Variants in SLC25A26 observed in about 807,000 individuals in gnomAD.
SLC25A26 encodes mitochondrial S-adenosylmethionine carrier protein.
SLC25A26 carries 36 observed loss-of-function variants against 37.8 expected under a neutral mutation model. The observed-to-expected ratio is 0.95, with a 90% confidence interval of 0.73 to 1.26. SLC25A26 has a LOEUF of 1.26. Ranked by LOEUF, SLC25A26 falls within the 50% of genes most tolerant of loss-of-function variation. SLC25A26 has a pLI of 0.00. For synonymous variants in SLC25A26, 129 were observed against 122.5 expected (o/e 1.05, Z -0.35); for missense variants, 390 against 331.1 (o/e 1.18, Z -1.38).
chr3:66,222,649 G>T (rs1171035318), intron 1 of SLC25A26, among the ~76,000 whole-genome samples: 1 of 152,168 alleles, frequency 6.6e-6, no homozygotes, highest in African/African-American at 2.4e-5. Flanking sequence ...TGAGGGAAGT[G>T]GGATACCAAG....
At chr3:66,212,557 T>C (rs892244551) in intron 1 of SLC25A26, among the ~76,000 whole-genome samples, 2 of 152,158 alleles carry the variant, frequency 1.3e-5, no homozygotes, top group Admixed American at 1.3e-4. Context: ...AATCTTGAAA[T>C]GTATCCCCCA....
intron 3 of SLC25A26, among the ~76,000 whole-genome samples, chr3:66,259,423 C>T (rs1488553103): frequency 6.6e-6 from 1 of 152,118 alleles, no homozygotes; most frequent in African/African-American, 2.4e-5. Flanking sequence ...TTACCTGTCC[C>T]CCAGACTTCA....
chr3:66,319,403 C>G lies in SLC25A26; in HGVS notation c.454-26961C>G, dbSNP rs1373041406. On this transcript the variant is annotated intron_variant, in intron 5 of 9. Transcript: ENST00000354883. The stretch of plus-strand genomic sequence containing the variant: ...CTAGTATATAATGCATCCTGCTGGT[C>G]TGTTTTATCCCATTAAAAAACTTCG... Among the ~76,000 whole-genome samples, 2 of 152,136 alleles carry G rather than the reference C, an allele frequency of 1.3e-5. 1 individual carries two copies.
chr3:66,290,432 T>C (rs531482765), intron 5 of SLC25A26, among the ~76,000 whole-genome samples: 32 of 152,346 alleles, frequency 2.1e-4, no homozygotes, highest in Non-Finnish European at 4.3e-4. Flanking sequence ...GGTCATTCAA[T>C]ATGATACAGG....
Position 66,236,606 on chromosome 3 carries a change from C to T in SLC25A26, c.96C>T (p.Thr32=). 1.3e-6 allele frequency: 2 copies of T among 1,517,978 alleles called. No homozygotes were observed. Among genetic ancestry groups the T allele is most frequent in the Non-Finnish European group, 1.8e-6 (2 of 1,133,976 alleles). The allele number at this position is 1,517,978 out of a possible 1,614,324, so 94.0% of individuals were successfully genotyped here. Residue 32 remains threonine, a synonymous_variant, in exon 2 of 10, where the codon ACC becomes ACT. Transcript: ENST00000354883. ...LILFPLDTIK[T]RLQSPQGFSK... The stretch of plus-strand genomic sequence containing the variant: ...TATTTCCTCTGGATACCATTAAAAC[C>T]AGGCTGCAGAGTCCCCAAGGATTTA...
intron 2 of SLC25A26, among the ~76,000 whole-genome samples, chr3:66,240,955 C>T (rs1005010743): frequency 6.6e-6 from 1 of 151,796 alleles, no homozygotes; most frequent in African/African-American, 2.4e-5. Context: ...ACTGTGTTAG[C>T]CAAGGATGGT....
intron 1 of SLC25A26, among the ~76,000 whole-genome samples, chr3:66,147,110 TCCCCTCC>T (rs2070129244): frequency 2.4e-5 from 1 of 41,420 alleles, no homozygotes; most frequent in Non-Finnish European, 4.3e-5. Context: ...TCCCCTCCCC[TCCCCTCC>T]CCTCCCCTCC....
intron 5 of SLC25A26, among the ~76,000 whole-genome samples, chr3:66,326,449 C>T (rs758145799): frequency 6.6e-6 from 1 of 152,200 alleles, no homozygotes; most frequent in Non-Finnish European, 1.5e-5. Flanking sequence ...GGAGTTAATA[C>T]GGTTGTGGTG....
At chr3:66,167,290 C>G (rs2070438037) in intron 1 of SLC25A26, among the ~76,000 whole-genome samples, 1 of 152,072 alleles carries the variant, frequency 6.6e-6, no homozygotes, top group Non-Finnish European at 1.5e-5. Flanking sequence ...GACTTGCAAT[C>G]TGCAAGGATG....
chr3:66,195,978 T>C (rs1327347655), intron 1 of SLC25A26, among the ~76,000 whole-genome samples: 2 of 152,254 alleles, frequency 1.3e-5, no homozygotes, highest in Non-Finnish European at 2.9e-5. Context: ...GCTATTGATA[T>C]ACATTTATTT....
chr3:66,354,523 A>G (rs2076531632), intron 6 of SLC25A26, among the ~76,000 whole-genome samples: 1 of 152,226 alleles, frequency 6.6e-6, no homozygotes, highest in Non-Finnish European at 1.5e-5. Flanking sequence ...AGTACTACAT[A>G]AAAGCTATGT....
At chr3:66,369,129 T>C (rs1472026907) in intron 7 of SLC25A26, among the ~76,000 whole-genome samples, 2 of 150,248 alleles carry the variant, frequency 1.3e-5, no homozygotes, top group African/African-American at 4.9e-5. Context: ...GTGTCTCACA[T>C]ATTGAGAGTG....
At position 66,310,070 on chromosome 3, in the gene SLC25A26, C is replaced by T. The variant is rs199532769; in HGVS notation, c.454-36294C>T. Reference sequence around the variant, plus strand: ...GAATATCCTTGTTAATTTTCTGTCTCGCTGATCTAGCTAATATTGACAGTG... The same window carrying T: ...GAATATCCTTGTTAATTTTCTGTCTTGCTGATCTAGCTAATATTGACAGTG... On this transcript the variant is annotated intron_variant, in intron 5 of 9. Transcript: ENST00000354883. Among the ~76,000 whole-genome samples the T allele has an allele frequency of 2.7e-4, 41 of 152,226 alleles. No homozygotes were observed. In the East Asian group the frequency reaches 3.7e-3, roughly 14 times the overall value.
intron 3 of SLC25A26, among the ~76,000 whole-genome samples, chr3:66,256,024 T>A (rs964067823): frequency 2.0e-5 from 3 of 152,228 alleles, no homozygotes; most frequent in African/African-American, 7.2e-5. Context: ...TTATGAAGCA[T>A]GAAGTTCCAT....
At chr3:66,141,298 T>C (rs759818453) in intron 1 of SLC25A26, among the ~76,000 whole-genome samples, 3 of 151,686 alleles carry the variant, frequency 2.0e-5, no homozygotes, top group Non-Finnish European at 2.9e-5. Context: ...GGGGTCTTGC[T>C]GCATATGTGG....
At chr3:66,145,722 T>C (rs1475089577) in intron 1 of SLC25A26, among the ~76,000 whole-genome samples, 2 of 152,222 alleles carry the variant, frequency 1.3e-5, no homozygotes, top group East Asian at 1.9e-4. Context: ...TTCCATCTTA[T>C]TTCAATTTTC....
intron 5 of SLC25A26, among the ~76,000 whole-genome samples, chr3:66,334,147 A>G (rs1480548738): frequency 6.6e-6 from 1 of 152,146 alleles, no homozygotes; most frequent in Admixed American, 6.5e-5. Flanking sequence ...ATTATTCTCA[A>G]CCTTTTGCTT....
intron 9 of SLC25A26, chr3:66,371,352 T>G: frequency 6.5e-7 from 1 of 1,542,276 alleles, no homozygotes. Context: ...GTGATTGTAG[T>G]TTTTGTGTAC....
At chr3:66,349,001 TCA>T (rs1214906185) in intron 6 of SLC25A26, among the ~76,000 whole-genome samples, 1 of 152,202 alleles carries the variant, frequency 6.6e-6, no homozygotes, top group Non-Finnish European at 1.5e-5. Flanking sequence ...TAACCAGCAT[TCA>T]CACAGTTTCT....
Sources: allele counts gnomAD v4.1 joint callset (sites outside exome capture counted in the v4.1 genomes callset), GRCh38; gene constraint gnomAD v4.1.1; transcripts MANE v1.5; gene names NCBI Gene and HGNC (gene_info 2026-07-23, HGNC 2026-07-21).